Variants in VEPH1 observed in about 807,000 individuals in gnomAD.
The protein encoded by VEPH1 is ventricular zone-expressed PH domain-containing protein homolog 1.
Under a neutral mutation model 85.2 loss-of-function variants are expected in VEPH1, and 80 were observed. The ratio of observed to expected loss-of-function variants is 0.94; its 90% CI spans 0.78 to 1.13. The LOEUF (loss-of-function observed/expected upper bound fraction) is 1.13. Ranked by LOEUF, VEPH1 falls within the 50% of genes most tolerant of loss-of-function variation. The pLI, the probability that VEPH1 is intolerant of heterozygous loss-of-function variation, is 0.00. For synonymous variants in VEPH1, 297 were observed against 348.0 expected (o/e 0.85, Z 1.63); for missense variants, 955 against 980.5 (o/e 0.97, Z 0.35).
At chr3:157,447,951 C>T (rs1734674383) in intron 4 of VEPH1, among the ~76,000 whole-genome samples, 1 of 151,758 alleles carries the variant, frequency 6.6e-6, no homozygotes, top group Admixed American at 6.6e-5. Flanking sequence ...TTGGTGATGA[C>T]AAAAACAACC....
intron 11 of VEPH1, among the ~76,000 whole-genome samples, chr3:157,298,795 TA>T (rs367699037): frequency 1.4e-4 from 22 of 151,936 alleles, no homozygotes; most frequent in African/African-American, 4.8e-4. Context: ...TTTACTGAAT[TA>T]AAAAAAACAT....
At position 157,414,164 on chromosome 3, in the gene VEPH1, T is replaced by C. The variant is rs1004298312; in HGVS notation, c.697-74A>G. 7.9e-6 allele frequency: 10 copies of C among 1,273,144 alleles called. No individual in the cohort carries two copies. The Admixed American group carries it at 1.9e-4, about 24-fold the overall frequency. The allele number at this position is 1,273,144 out of a possible 1,614,324, so 78.9% of individuals were successfully genotyped here. ...AAAGTTAATTAAATTGGAATTAATT[T>C]TGAAAGCAAACTTTTTTTGCATTAA... On this transcript the variant is annotated intron_variant, in intron 5 of 13. Coordinates refer to ENST00000362010, the MANE Select transcript of VEPH1 (RefSeq NM_001167912.2).
intron 6 of VEPH1, among the ~76,000 whole-genome samples, chr3:157,385,297 G>A (rs1729180686): frequency 6.6e-6 from 1 of 150,468 alleles, no homozygotes; most frequent in Non-Finnish European, 1.5e-5. Context: ...CATCATCAGA[G>A]TTATGTGGTC....
At chr3:157,298,528 T>C (rs1718393746) in intron 11 of VEPH1, among the ~76,000 whole-genome samples, 1 of 152,158 alleles carries the variant, frequency 6.6e-6, no homozygotes, top group South Asian at 2.1e-4. Context: ...TTGCATAAAC[T>C]AGGTCTGAGA....
At chr3:157,498,228 T>G (rs1456095) in intron 1 of VEPH1, among the ~76,000 whole-genome samples, 1 of 152,014 alleles carries the variant, frequency 6.6e-6, no homozygotes, top group South Asian at 2.1e-4. Context: ...AGCTCAGCTA[T>G]TCAGCGATTA....
intron 9 of VEPH1, among the ~76,000 whole-genome samples, chr3:157,321,311 G>A (rs753887367): frequency 6.6e-6 from 1 of 152,092 alleles, no homozygotes; most frequent in Admixed American, 6.6e-5. Context: ...ACATGAATAT[G>A]TTTGCTGAAA....
At chr3:157,301,643 A>G (rs1290803573) in intron 11 of VEPH1, among the ~76,000 whole-genome samples, 1 of 152,154 alleles carries the variant, frequency 6.6e-6, no homozygotes, top group Non-Finnish European at 1.5e-5. Context: ...GCCCAGTTGA[A>G]TGGACACTTA....
intron 2 of VEPH1, among the ~76,000 whole-genome samples, chr3:157,471,133 C>A (rs887398124): frequency 5.9e-5 from 9 of 152,148 alleles, no homozygotes; most frequent in Non-Finnish European, 8.8e-5. Flanking sequence ...AGACCCACTG[C>A]ATTAATTTGG....
intron 2 of VEPH1, among the ~76,000 whole-genome samples, chr3:157,471,477 G>A (rs1736953583): frequency 6.6e-6 from 1 of 152,164 alleles, no homozygotes; most frequent in Non-Finnish European, 1.5e-5. Context: ...TTTTACGAAT[G>A]TGAACTCCCT....
intron 6 of VEPH1, among the ~76,000 whole-genome samples, chr3:157,404,051 G>A (rs940577471): frequency 3.3e-5 from 5 of 152,142 alleles, no homozygotes; most frequent in African/African-American, 1.2e-4. Context: ...TGAAAAACCA[G>A]TATCCATAAC....
At chr3:157,454,562 G>C (rs1735216680) in intron 4 of VEPH1, among the ~76,000 whole-genome samples, 1 of 152,166 alleles carries the variant, frequency 6.6e-6, no homozygotes, top group Admixed American at 6.5e-5. Flanking sequence ...TTGAGCCCAG[G>C]GGAAGGAAAG....
intron 4 of VEPH1, among the ~76,000 whole-genome samples, chr3:157,440,603 C>A (rs1031942538): frequency 6.6e-6 from 1 of 151,940 alleles, no homozygotes; most frequent in Non-Finnish European, 1.5e-5. Flanking sequence ...TATATATACA[C>A]ACACATTTAT....
chr3:157,426,767 A>G (rs1020699569), intron 5 of VEPH1, among the ~76,000 whole-genome samples: 2 of 151,712 alleles, frequency 1.3e-5, no homozygotes, highest in African/African-American at 4.8e-5. Flanking sequence ...ACTTTCTTTA[A>G]CAACATTCTA....
intron 12 of VEPH1, among the ~76,000 whole-genome samples, chr3:157,281,608 G>C (rs2108346711): frequency 6.6e-6 from 1 of 151,988 alleles, no homozygotes; most frequent in Non-Finnish European, 1.5e-5. Flanking sequence ...CATGATCTTG[G>C]CTCACTGCAA....
intron 5 of VEPH1, among the ~76,000 whole-genome samples, chr3:157,414,427 G>A (rs748782029): frequency 2.0e-4 from 31 of 152,210 alleles, no homozygotes; most frequent in Non-Finnish European, 3.2e-4. Flanking sequence ...CAACCACCAT[G>A]AAAGCTGCAA....
chr3:157,402,430 A>G (rs1286915663), intron 6 of VEPH1, among the ~76,000 whole-genome samples: 3 of 152,186 alleles, frequency 2.0e-5, no homozygotes, highest in African/African-American at 7.2e-5. Context: ...AGCGGAAGGA[A>G]GTTTGCCCTC....
chr3:157,398,720 T>C (rs1249803365), intron 6 of VEPH1, among the ~76,000 whole-genome samples: 1 of 151,924 alleles, frequency 6.6e-6, no homozygotes, highest in Non-Finnish European at 1.5e-5. Context: ...ATGATTCACC[T>C]ATGAGGACCT....
chr3:157,483,356 T>A (rs559446742), intron 2 of VEPH1, among the ~76,000 whole-genome samples: 101 of 152,232 alleles, frequency 6.6e-4, no homozygotes, highest in African/African-American at 2.3e-3. Flanking sequence ...ATCTTACTTA[T>A]GCTGAACTTA....
chr3:157,345,465 C>G (rs1724107578), intron 9 of VEPH1, among the ~76,000 whole-genome samples: 1 of 152,162 alleles, frequency 6.6e-6, no homozygotes, highest in Non-Finnish European at 1.5e-5. Context: ...AAAGGCAAAT[C>G]AAAACCACAA....
Sources: allele counts gnomAD v4.1 joint callset (sites outside exome capture counted in the v4.1 genomes callset), GRCh38; gene constraint gnomAD v4.1.1; transcripts MANE v1.5; gene names NCBI Gene and HGNC (gene_info 2026-07-23, HGNC 2026-07-21).